The following LOC400499 variants were observed in gnomAD, a reference collection of about 807,000 sequenced individuals.
the LOC400499 span, chr16:11,398,243 C>T: frequency 9.7e-7 from 1 of 1,026,654 alleles, no homozygotes; most frequent in South Asian, 5.1e-5. Flanking sequence ...TGGCGTCTGG[C>T]TGCCTCGCTC....
the LOC400499 span, among the ~76,000 whole-genome samples, chr16:11,497,071 T>A: frequency 6.6e-6 from 1 of 152,094 alleles, no homozygotes; most frequent in Non-Finnish European, 1.5e-5. Flanking sequence ...TGTGTGCATA[T>A]CCCTGTGTGT....
the LOC400499 span, among the ~76,000 whole-genome samples, chr16:11,518,040 C>A: frequency 6.6e-6 from 1 of 152,064 alleles, no homozygotes; most frequent in African/African-American, 2.4e-5. Context: ...GAGAGAAATG[C>A]TAATGGCGCC....
At chr16:11,460,926 C>T in the LOC400499 span, 2 of 1,497,066 alleles carry the variant, frequency 1.3e-6, no homozygotes, top group East Asian at 5.0e-5. Context: ...GGCCCTGCCA[C>T]CTCCACCTGC....
At chr16:11,373,181 A>G in the LOC400499 span, among the ~76,000 whole-genome samples, 1 of 152,206 alleles carries the variant, frequency 6.6e-6, no homozygotes, top group Non-Finnish European at 1.5e-5. Flanking sequence ...GATCTTCAGT[A>G]CAGCATGCAG....
chr16:11,420,457 G>T, the LOC400499 span, among the ~76,000 whole-genome samples: 1 of 122,466 alleles, frequency 8.2e-6, no homozygotes, highest in Non-Finnish European at 1.7e-5. Context: ...GGTGGGGGGA[G>T]GGGGGAGGGA....
At chr16:11,413,666 G>A in the LOC400499 span, among the ~76,000 whole-genome samples, 7 of 152,276 alleles carry the variant, frequency 4.6e-5, no homozygotes, top group East Asian at 1.9e-4. Context: ...ACACTCTCAC[G>A]TGTGACCCAG....
chr16:11,493,533 G>T, the LOC400499 span: 2 of 390,076 alleles, frequency 5.1e-6, no homozygotes, highest in African/African-American at 2.1e-5. Context: ...CACAGTAGGT[G>T]CTCATTAAAT....
chr16:11,460,382 G>C, the LOC400499 span: 5 of 1,352,702 alleles, frequency 3.7e-6, no homozygotes, highest in Admixed American at 5.6e-5. Context: ...TTGTGAGCAA[G>C]TCCATCTCTT....
the LOC400499 span, among the ~76,000 whole-genome samples, chr16:11,505,092 C>G: frequency 6.6e-6 from 1 of 151,744 alleles, no homozygotes; most frequent in African/African-American, 2.4e-5. Context: ...CACTTGAACC[C>G]AGGGCACCAG....
At chr16:11,432,089 G>A in the LOC400499 span, among the ~76,000 whole-genome samples, 2 of 152,156 alleles carry the variant, frequency 1.3e-5, no homozygotes, top group Admixed American at 6.5e-5. Context: ...GAAGAGCACC[G>A]AGGTGCCAGA....
the LOC400499 span, among the ~76,000 whole-genome samples, chr16:11,374,554 T>C: frequency 6.6e-6 from 1 of 152,328 alleles, no homozygotes; most frequent in South Asian, 2.1e-4. Flanking sequence ...TTACTCGAGG[T>C]CCTTCAAATA....
At chr16:11,475,077 T>G in the LOC400499 span, among the ~76,000 whole-genome samples, 2 of 152,216 alleles carry the variant, frequency 1.3e-5, no homozygotes, top group African/African-American at 4.8e-5. Flanking sequence ...TGTAAGTGAC[T>G]ATTCCCTTCC....
the LOC400499 span, chr16:11,417,897 C>A: frequency 2.5e-6 from 1 of 398,232 alleles, no homozygotes; most frequent in South Asian, 1.3e-4. Context: ...CAGCCTGGGT[C>A]AAGCTGGCAC....
chr16:11,462,462 C>G, the LOC400499 span: 1 of 983,026 alleles, frequency 1.0e-6, no homozygotes, highest in Non-Finnish European at 1.2e-6. Context: ...CAGAGTCTCA[C>G]TTTGTCTCCC....
At chr16:11,470,930 G>C in the LOC400499 span, among the ~76,000 whole-genome samples, 3 of 152,214 alleles carry the variant, frequency 2.0e-5, no homozygotes, top group Non-Finnish European at 4.4e-5. Context: ...CAAAGGCCCT[G>C]GGGCAGGCAT....
the LOC400499 span, among the ~76,000 whole-genome samples, chr16:11,467,828 C>A: frequency 6.6e-6 from 1 of 152,154 alleles, no homozygotes; most frequent in Non-Finnish European, 1.5e-5. Flanking sequence ...AACCCTAAGC[C>A]GCAGGACCTG....
chr16:11,456,872 C>A, the LOC400499 span: 8 of 1,536,152 alleles, frequency 5.2e-6, no homozygotes, highest in South Asian at 9.5e-5. Context: ...CCCACTTCCA[C>A]AGGGTGGCCC....
the LOC400499 span, among the ~76,000 whole-genome samples, chr16:11,425,864 C>T: frequency 6.6e-6 from 1 of 152,096 alleles, no homozygotes; most frequent in South Asian, 2.1e-4. Context: ...TTGGCATAAA[C>T]CTCATACCAA....
chr16:11,483,494 A>C, the LOC400499 span, among the ~76,000 whole-genome samples: 1 of 152,324 alleles, frequency 6.6e-6, no homozygotes, highest in East Asian at 1.9e-4. Context: ...CTATGTTATA[A>C]CCTATAGCAT....
Sources: allele counts gnomAD v4.1 joint callset (sites outside exome capture counted in the v4.1 genomes callset), GRCh38; gene constraint gnomAD v4.1.1; transcripts MANE v1.5.